Variants in CBR4 observed in about 807,000 individuals in gnomAD.
CBR4 encodes carbonyl reductase 4.
CBR4 carries 22 observed loss-of-function variants against 21.0 expected under a neutral mutation model. The ratio of observed to expected loss-of-function variants is 1.05; its 90% CI spans 0.75 to 1.50. The LOEUF is 1.50. CBR4 is among the 40% of genes most tolerant of loss of function. The pLI is 0.00. For missense variants in CBR4, 302 were observed against 286.3 expected (o/e 1.05, Z -0.40); for synonymous variants, 100 against 104.4 (o/e 0.96, Z 0.26).
chr4:168,969,759 CTGAAAT>C (rs1764148975), intron 2 of CBR4, among the ~76,000 whole-genome samples: 1 of 152,138 alleles, frequency 6.6e-6, no homozygotes. Flanking sequence ...AACTTTGCAA[CTGAAAT>C]TGTAGTCCAC....
Position 168,990,074 on chromosome 4 carries a change from G to A in CBR4, c.*76C>T. 4 of 1,387,642 alleles carry A rather than the reference G, an allele frequency of 2.9e-6. No homozygotes were observed. Among genetic ancestry groups the A allele is most frequent in the Non-Finnish European group, 2.8e-6 (3 of 1,062,412 alleles). 86.0% of individuals were successfully genotyped at this position (1,387,642 alleles called of 1,614,324 possible). On this transcript the variant is annotated 3_prime_UTR_variant, in exon 5 of 5. Coordinates refer to ENST00000306193, the MANE Select transcript of CBR4 (RefSeq NM_032783.5). The stretch of plus-strand genomic sequence containing the variant: ...GGTTTGATTAGCACATGTTACCCAT[G>A]TAGGTATAATTGTCTAATCAGTAGC...
rs574071242 is a variant in CBR4 at position 168,998,575 on chromosome 4, A to C, written c.535+3496T>G. 3.6e-4 allele frequency among the ~76,000 whole-genome samples: 55 copies of C among 152,290 alleles called. No individual in the cohort carries two copies. In the South Asian group the frequency reaches 0.011, roughly 31 times the overall value. On this transcript the variant is annotated intron_variant, in intron 4 of 4. Transcript: ENST00000306193. ...TGGGTTTAGGATTTCTTTAAGGATG[A>C]TGAAAACGTTCTAAAATTTACTGTG...
In CBR4 at chr4:168,989,831, G is replaced by T; in HGVS notation, c.*319C>A. ...CTTTAGAAAACACAATTTGTCTGGG[G>T]GGATGATTGCACATGTATTTAAATA... On this transcript the variant is annotated 3_prime_UTR_variant, in exon 5 of 5. Transcript: ENST00000306193. 4.9e-6 allele frequency: 5 copies of T among 1,016,896 alleles called. No homozygotes were observed. The highest frequency in any genetic ancestry group is 5.9e-6 in the Non-Finnish European group (5 of 851,032). The allele number at this position is 1,016,896 out of a possible 1,614,324, so 63.0% of individuals were successfully genotyped here.
At chr4:168,974,327 C>T (rs906551883) in intron 2 of CBR4, among the ~76,000 whole-genome samples, 1 of 152,142 alleles carries the variant, frequency 6.6e-6, no homozygotes, top group African/African-American at 2.4e-5. Flanking sequence ...GCTTTTGCTT[C>T]ACAGCTCTTG....
intron 2 of CBR4, among the ~76,000 whole-genome samples, chr4:168,961,510 T>A (rs565962555): frequency 6.6e-6 from 1 of 152,264 alleles, no homozygotes; most frequent in African/African-American, 2.4e-5. Flanking sequence ...TGTGTACTTT[T>A]CTAGGTGGAA....
At chr4:168,901,186 C>T (rs957925830) in intron 2 of CBR4, among the ~76,000 whole-genome samples, 5 of 152,182 alleles carry the variant, frequency 3.3e-5, no homozygotes, top group African/African-American at 1.2e-4. Flanking sequence ...TCTACTTTGG[C>T]ATATGCCATA....
At chr4:168,894,868 G>T in intron 2 of CBR4, 3 of 834,930 alleles carry the variant, frequency 3.6e-6, no homozygotes, top group East Asian at 2.7e-5. Context: ...GTGACTGACA[G>T]AATTCTTTCC....
At chr4:168,962,387 G>C (rs1369231520) in intron 2 of CBR4, among the ~76,000 whole-genome samples, 2 of 152,202 alleles carry the variant, frequency 1.3e-5, no homozygotes, top group African/African-American at 4.8e-5. Context: ...TGGATATCAG[G>C]ATGGAAGGGG....
chr4:168,936,628 C>T (rs567722626), intron 2 of CBR4, among the ~76,000 whole-genome samples: 1 of 152,062 alleles, frequency 6.6e-6, no homozygotes, highest in South Asian at 2.1e-4. Flanking sequence ...ACGAGAACTT[C>T]GTGAAGTATA....
chr4:168,978,338 T>G (rs1764433147), intron 2 of CBR4, among the ~76,000 whole-genome samples: 1 of 152,182 alleles, frequency 6.6e-6, no homozygotes, highest in Non-Finnish European at 1.5e-5. Context: ...GATGGCTGAC[T>G]AGAAGCAGCT....
chr4:168,937,428 A>T (rs1763143647), intron 2 of CBR4, among the ~76,000 whole-genome samples: 1 of 152,192 alleles, frequency 6.6e-6, no homozygotes, highest in Non-Finnish European at 1.5e-5. Context: ...ACCAGCTAGC[A>T]TCATAATGAC....
intron 2 of CBR4, among the ~76,000 whole-genome samples, chr4:168,931,907 C>G (rs536681872): frequency 4.4e-4 from 66 of 151,648 alleles, no homozygotes; most frequent in African/African-American, 1.3e-3. Context: ...ACACACCCCC[C>G]CTAACTGACA....
At chr4:168,916,196 T>C (rs1760053400) in intron 2 of CBR4, among the ~76,000 whole-genome samples, 1 of 152,184 alleles carries the variant, frequency 6.6e-6, no homozygotes, top group African/African-American at 2.4e-5. Flanking sequence ...GCAGATCGCT[T>C]GATCCCAGGA....
intron 2 of CBR4, among the ~76,000 whole-genome samples, chr4:168,897,050 C>T (rs749276658): frequency 1.3e-5 from 2 of 152,114 alleles, no homozygotes; most frequent in African/African-American, 2.4e-5. Flanking sequence ...AGGCTGGTCT[C>T]GAACTTCTGA....
Position 168,988,934 on chromosome 4 carries a change from C to G in CBR4, c.*1216G>C, listed in dbSNP as rs1403748753. 38 of 983,686 alleles carry G rather than the reference C, an allele frequency of 3.9e-5. No homozygotes were observed. The highest frequency in any genetic ancestry group is 4.5e-5 in the Non-Finnish European group (37 of 828,488). The allele number at this position is 983,686 out of a possible 1,614,324, so 60.9% of individuals were successfully genotyped here. A position where few individuals can be genotyped will look rare whatever the true frequency, so the allele number is the denominator to read the frequency against. On this transcript the variant is annotated 3_prime_UTR_variant, in exon 5 of 5. Transcript: ENST00000306193. ...AAAATAACTGTCAGCTCCAAATCAA[C>G]ATGAATGGAGTGACACTGAAAATAT...
At chr4:168,964,412 C>T (rs886787949) in intron 2 of CBR4, among the ~76,000 whole-genome samples, 1 of 152,146 alleles carries the variant, frequency 6.6e-6, no homozygotes, top group Non-Finnish European at 1.5e-5. Context: ...GACCTTCAAT[C>T]GAAACACACA....
At chr4:168,932,204 G>C (rs1454255270) in intron 2 of CBR4, among the ~76,000 whole-genome samples, 1 of 151,218 alleles carries the variant, frequency 6.6e-6, no homozygotes, top group Non-Finnish European at 1.5e-5. Context: ...AATCAGGAAA[G>C]TAATTCATGA....
rs566494892 is a variant in CBR4, at chr4:168,997,529, G to A, written c.535+4542C>T. 5.9e-5 allele frequency among the ~76,000 whole-genome samples: 9 copies of A among 152,204 alleles called. No homozygotes were observed. In the East Asian group the frequency reaches 9.7e-4, roughly 16 times the overall value. ...GGATCGCTTGAACCCAGAAGGTCTA[G>A]GCTGCAGTGAGCCAAGACTGCACCA... On this transcript the variant is annotated intron_variant, in intron 4 of 4. Transcript: ENST00000306193.
At chr4:168,917,850 A>G (rs1228783693) in intron 2 of CBR4, among the ~76,000 whole-genome samples, 2 of 152,342 alleles carry the variant, frequency 1.3e-5, no homozygotes, top group African/African-American at 2.4e-5. Flanking sequence ...TAAGAATTAT[A>G]CAGTACAGCT....
Sources: gnomAD v4.1 joint callset for allele counts (sites outside exome capture counted in the v4.1 genomes callset) on GRCh38, gnomAD v4.1.1 for gene constraint, MANE v1.5 for transcripts, NCBI Gene and HGNC (gene_info 2026-07-23, HGNC 2026-07-21) for gene names.